The following MECOM variants were observed in gnomAD, a reference collection of about 807,000 sequenced individuals.
The protein encoded by MECOM is histone-lysine N-methyltransferase MECOM.
MECOM carries 13 observed loss-of-function variants against 116.3 expected under a neutral mutation model. The ratio of observed to expected loss-of-function variants is 0.11; its 90% CI spans 0.07 to 0.18. The LOEUF (loss-of-function observed/expected upper bound fraction) is 0.18. Among genes scored for constraint, MECOM ranks in the 10% least tolerant of loss-of-function variants. The pLI is 1.00. For missense variants in MECOM, 1,299 were observed against 1,509.0 expected (o/e 0.86, Z 2.31); for synonymous variants, 528 against 535.2 (o/e 0.99, Z 0.19).
At chr3:169,491,055 C>G (rs994206322) in intron 1 of MECOM, among the ~76,000 whole-genome samples, 1 of 152,012 alleles carries the variant, frequency 6.6e-6, no homozygotes, top group African/African-American at 2.4e-5. Context: ...GACGGGTCTC[C>G]TTACGTTGCC....
At chr3:169,639,211 G>A (rs1174943989) in intron 1 of MECOM, among the ~76,000 whole-genome samples, 1 of 152,018 alleles carries the variant, frequency 6.6e-6, no homozygotes, top group Non-Finnish European at 1.5e-5. Context: ...TATTAATATG[G>A]CATTATTCCA....
At chr3:169,296,260 G>A (rs1291933127) in intron 2 of MECOM, among the ~76,000 whole-genome samples, 1 of 152,126 alleles carries the variant, frequency 6.6e-6, no homozygotes, top group Non-Finnish European at 1.5e-5. Flanking sequence ...TTTCAGGCAG[G>A]ACATGAGAAA....
intron 1 of MECOM, among the ~76,000 whole-genome samples, chr3:169,411,386 T>C (rs1737530829): frequency 1.3e-5 from 2 of 152,226 alleles, no homozygotes; most frequent in Non-Finnish European, 2.9e-5. Flanking sequence ...ACTCTCTCTG[T>C]TAGATATTTC....
chr3:169,247,550 C>T (rs568635659), intron 2 of MECOM, among the ~76,000 whole-genome samples: 4 of 152,318 alleles, frequency 2.6e-5, no homozygotes, highest in East Asian at 3.9e-4. Context: ...GTGATCTACC[C>T]GCCTCGGCCT....
rs754636380 is a variant in MECOM at position 169,127,878 on chromosome 3, T to C, written c.796A>G (p.Lys266Glu). ...TCAGGAAAAACTTGGTCACATTCCT[T>C]ACACTCCTGGATCGTGTGTATCTCT... ...LQEIHTIQEC[K>E]ECDQVFPDLQ... The change falls in exon 5 of 17, where the codon AAG becomes GAG. Residue 266 changes from lysine (K) to glutamate (E), a missense_variant. This residue lies in a region of MECOM where 374 missense variants were observed against 433.4 expected (regional missense o/e 0.86). Coordinates refer to ENST00000651503, the MANE Select transcript of MECOM (RefSeq NM_004991.4). The C allele has an allele frequency of 2.5e-6, 4 of 1,614,042 alleles. No homozygotes were observed. In the East Asian group the frequency reaches 8.9e-5, roughly 36 times the overall value.
chr3:169,429,921 C>T (rs1741334786), intron 1 of MECOM, among the ~76,000 whole-genome samples: 1 of 152,208 alleles, frequency 6.6e-6, no homozygotes, highest in Non-Finnish European at 1.5e-5. Context: ...CAGAGTCCCA[C>T]TGTCTCTCCT....
chr3:169,347,346 A>G (rs1240160102), intron 2 of MECOM, among the ~76,000 whole-genome samples: 2 of 152,060 alleles, frequency 1.3e-5, no homozygotes, highest in African/African-American at 2.4e-5. Context: ...AAATAAATCA[A>G]ATAAGTGAAT....
At chr3:169,190,412 T>A (rs1559971305) in intron 2 of MECOM, among the ~76,000 whole-genome samples, 1 of 152,028 alleles carries the variant, frequency 6.6e-6, no homozygotes, top group Non-Finnish European at 1.5e-5. Context: ...TATTTTATGA[T>A]CTATATCAGA....
intron 1 of MECOM, among the ~76,000 whole-genome samples, chr3:169,660,035 G>A (rs1307789720): frequency 6.6e-6 from 1 of 152,148 alleles, no homozygotes; most frequent in Non-Finnish European, 1.5e-5. Flanking sequence ...ATTCCCGCGC[G>A]TTGTCACTTT....
intron 2 of MECOM, among the ~76,000 whole-genome samples, chr3:169,302,309 G>A (rs551294658): frequency 1.3e-5 from 2 of 152,190 alleles, no homozygotes; most frequent in Non-Finnish European, 2.9e-5. Context: ...CAATGCTCCA[G>A]GGCAGGCAGA....
chr3:169,306,617 G>T (rs983399354), intron 2 of MECOM, among the ~76,000 whole-genome samples: 18 of 152,212 alleles, frequency 1.2e-4, no homozygotes, highest in African/African-American at 4.1e-4. Context: ...AGAGACAGAG[G>T]TTGCAGTGAG....
chr3:169,563,511 GTGT>G (rs1290530744), intron 1 of MECOM, among the ~76,000 whole-genome samples: 1 of 152,154 alleles, frequency 6.6e-6, no homozygotes, highest in Non-Finnish European at 1.5e-5. Context: ...CCTGAAATGT[GTGT>G]TGTTTGACCT....
rs181059203 is a variant in MECOM at position 169,233,738 on chromosome 3, T to A, written c.376-89906A>T. Among the ~76,000 whole-genome samples the A allele has an allele frequency of 1.3e-3, 200 of 152,136 alleles. 1 individual carries two copies. The highest frequency in any genetic ancestry group is 4.6e-3 in the African/African-American group (192 of 41,528). On this transcript the variant is annotated intron_variant, in intron 2 of 16. Coordinates refer to ENST00000651503, the MANE Select transcript of MECOM (RefSeq NM_004991.4). ...AGAACCATAGCCAAAATAAACAGGG[T>A]TAAGATGGAGAATACTACTAAAATT... is the stretch of plus-strand genomic sequence containing the variant.
At chr3:169,172,585 A>G (rs910323403) in intron 2 of MECOM, among the ~76,000 whole-genome samples, 1 of 152,208 alleles carries the variant, frequency 6.6e-6, no homozygotes, top group Non-Finnish European at 1.5e-5. Context: ...ATAGTAATTG[A>G]TATTTTGACT....
intron 2 of MECOM, among the ~76,000 whole-genome samples, chr3:169,278,066 C>G (rs1005679617): frequency 3.9e-5 from 6 of 152,358 alleles, no homozygotes; most frequent in African/African-American, 1.4e-4. Flanking sequence ...AAAGTGAACT[C>G]TCCAGAAACA....
intron 1 of MECOM, among the ~76,000 whole-genome samples, chr3:169,657,431 T>C (rs1023541152): frequency 6.6e-6 from 1 of 152,196 alleles, no homozygotes; most frequent in Non-Finnish European, 1.5e-5. Context: ...GCCAATGTAA[T>C]AAGATGCTGT....
intron 2 of MECOM, among the ~76,000 whole-genome samples, chr3:169,299,466 T>C (rs1716296368): frequency 6.6e-6 from 1 of 152,210 alleles, no homozygotes; most frequent in Non-Finnish European, 1.5e-5. Context: ...AGTATAAGAT[T>C]AGGTCACCCG....
intron 1 of MECOM, among the ~76,000 whole-genome samples, chr3:169,651,672 A>G (rs1329525582): frequency 6.6e-6 from 1 of 152,152 alleles, no homozygotes; most frequent in Non-Finnish European, 1.5e-5. Context: ...GACTACAAAT[A>G]TGGTGCGGTG....
intron 2 of MECOM, among the ~76,000 whole-genome samples, chr3:169,305,556 G>A (rs1300238713): frequency 3.3e-5 from 5 of 152,204 alleles, no homozygotes; most frequent in African/African-American, 1.2e-4. Context: ...GGGCTTCCAA[G>A]ATAATGGTAA....
Sources: gnomAD v4.1 joint callset for allele counts (sites outside exome capture counted in the v4.1 genomes callset) on GRCh38, gnomAD v4.1.1 for gene constraint, gnomAD v4.1.1 regional missense constraint, MANE v1.5 for transcripts, NCBI Gene and HGNC (gene_info 2026-07-23, HGNC 2026-07-21) for gene names.